SMIM20: variants seen among roughly 807,000 people sequenced by gnomAD.
The protein encoded by SMIM20 is mitochondrial translation regulation assembly intermediate of cytochrome c oxidase protein of 7 kDa.
In SMIM20, 3 loss-of-function variants were observed where a neutral mutation model predicts 8.7. The ratio of observed to expected loss-of-function variants is 0.34; its 90% CI spans 0.16 to 0.89. The LOEUF (loss-of-function observed/expected upper bound fraction) is 0.89. SMIM20 is among the 40% of genes least tolerant of loss of function. SMIM20 has a pLI of 0.49. For missense variants in SMIM20, 85 were observed against 84.8 expected (o/e 1.00, Z -0.01); for synonymous variants, 44 against 33.6 (o/e 1.31, Z -1.07).
chr4:25,915,854 T>TG (rs1267183562), intron 1 of SMIM20, among the ~76,000 whole-genome samples: 515 of 18,550 alleles, frequency 0.028, 33 homozygotes, highest in South Asian at 0.047. Context: ...CAACTTGGGA[T>TG]GGGGCGGGGG....
At chr4:25,915,644 G>T (rs1382173295) in intron 1 of SMIM20, among the ~76,000 whole-genome samples, 1 of 152,156 alleles carries the variant, frequency 6.6e-6, no homozygotes. Context: ...GTGAAGCCCT[G>T]CGGGATCTGT....
At chr4:25,923,282 G>A (rs1719230520) in intron 1 of SMIM20, among the ~76,000 whole-genome samples, 1 of 152,198 alleles carries the variant, frequency 6.6e-6, no homozygotes, top group Non-Finnish European at 1.5e-5. Flanking sequence ...TTGTTTCCTA[G>A]AACTAGACAG....
intron 1 of SMIM20, 97 bp downstream of exon 1, chr4:25,914,519 G>A: frequency 8.3e-7 from 1 of 1,202,634 alleles, no homozygotes; most frequent in Non-Finnish European, 1.1e-6. Context: ...AACTTGGCTC[G>A]AGGGTTAGGG....
rs1711566163 is a variant in SMIM20 at position 25,928,429 on chromosome 4, TTG to T, written c.166+68_166+69del. 3.1e-5 allele frequency: 47 copies of T among 1,494,328 alleles called. No individual in the cohort carries two copies. In the South Asian group the frequency reaches 4.7e-4, roughly 15 times the overall value. 92.6% of individuals were successfully genotyped at this position (1,494,328 alleles called of 1,614,324 possible). A position where few individuals can be genotyped will look rare whatever the true frequency, so the allele number is the denominator to read the frequency against. On this transcript the variant is annotated intron_variant, in intron 2 of 2. Coordinates refer to ENST00000506197, the MANE Select transcript of SMIM20 (RefSeq NM_001145432.3). ...ATTTGTACTACTGTGTTGTGCGGGTTTGTGTGTGTTTGCCTTGGCGTGGAGAG... is the reference window on the plus strand; with the variant it reads ...ATTTGTACTACTGTGTTGTGCGGGTTTGTGTGTTTGCCTTGGCGTGGAGAG...
chr4:25,919,225 A>G (rs1719154220), intron 1 of SMIM20, among the ~76,000 whole-genome samples: 1 of 152,176 alleles, frequency 6.6e-6, no homozygotes, highest in African/African-American at 2.4e-5. Context: ...TAAAACCAAC[A>G]TAAACTAGAT....
At chr4:25,924,595 C>A (rs1029921799) in intron 1 of SMIM20, among the ~76,000 whole-genome samples, 10 of 152,178 alleles carry the variant, frequency 6.6e-5, no homozygotes, top group Non-Finnish European at 1.5e-4. Context: ...CATTTGCTTT[C>A]TCCCCCTATA....
chr4:25,914,903 G>A (rs1330019384), intron 1 of SMIM20, among the ~76,000 whole-genome samples: 1 of 152,184 alleles, frequency 6.6e-6, no homozygotes, highest in East Asian at 1.9e-4. Context: ...CAGCAAGTAA[G>A]TGACAAGGCA....
chr4:25,929,302 T>A lies in SMIM20; in HGVS notation c.*111T>A. ...GAATGACGGCTGGAGAAGAAAACTCTGTAATACCATAAATAAGAGTGCTTG... is the reference window on the plus strand; with the variant it reads ...GAATGACGGCTGGAGAAGAAAACTCAGTAATACCATAAATAAGAGTGCTTG... On this transcript the variant is annotated 3_prime_UTR_variant, in exon 3 of 3. Transcript: ENST00000506197. 1 of 1,079,190 alleles carries A rather than the reference T, an allele frequency of 9.3e-7. No individual in the cohort carries two copies. The highest frequency in any genetic ancestry group is 1.6e-5 in the African/African-American group (1 of 62,416). 66.9% of individuals were successfully genotyped at this position (1,079,190 alleles called of 1,614,324 possible). A position where few individuals can be genotyped will look rare whatever the true frequency, so the allele number is the denominator to read the frequency against.
chr4:25,919,617 G>A (rs932276851), intron 1 of SMIM20, among the ~76,000 whole-genome samples: 1 of 152,070 alleles, frequency 6.6e-6, no homozygotes. Context: ...CAAAGTGTTA[G>A]GATTACAGGC....
intron 1 of SMIM20, among the ~76,000 whole-genome samples, chr4:25,923,139 CAGA>C (rs1228136806): frequency 6.6e-6 from 1 of 152,168 alleles, no homozygotes; most frequent in Non-Finnish European, 1.5e-5. Context: ...GACCCAAAAC[CAGA>C]AGTCTGGGTA....
chr4:25,926,330 A>C (rs928879881), intron 1 of SMIM20, among the ~76,000 whole-genome samples: 15 of 152,218 alleles, frequency 9.9e-5, no homozygotes, highest in Non-Finnish European at 2.1e-4. Flanking sequence ...TTGGCCTTAG[A>C]GTATTTATAA....
intron 1 of SMIM20, 113 bp from the exon 2 acceptor site, chr4:25,928,200 G>A: frequency 9.9e-7 from 1 of 1,013,096 alleles, no homozygotes; most frequent in Non-Finnish European, 1.4e-6. Flanking sequence ...GAATTTAACA[G>A]CACTCATAAA....
At position 25,919,349 on chromosome 4, in the gene SMIM20, T is replaced by C. The variant is rs1185645149; in HGVS notation, c.109+4927T>C. Among the ~76,000 whole-genome samples the C allele has an allele frequency of 2.0e-5, 3 of 152,166 alleles. 1 individual carries two copies. The highest frequency in any genetic ancestry group is 1.3e-4 in the Admixed American group (2 of 15,278). On this transcript the variant is annotated intron_variant, in intron 1 of 2. Transcript: ENST00000506197. ...TCTCACCTCATTTTGTGTCTTCTTT[T>C]TTTTTTCTTGAGACAGTCTTGCTCT...
chr4:25,923,285 C>T (rs1719230624), intron 1 of SMIM20, among the ~76,000 whole-genome samples: 1 of 152,202 alleles, frequency 6.6e-6, no homozygotes, highest in African/African-American at 2.4e-5. Context: ...TTTCCTAGAA[C>T]TAGACAGTGA....
chr4:25,926,351 G>T (rs938962050), intron 1 of SMIM20, among the ~76,000 whole-genome samples: 3 of 152,152 alleles, frequency 2.0e-5, no homozygotes, highest in Non-Finnish European at 4.4e-5. Flanking sequence ...AACATTAATG[G>T]ATTAAAGAAC....
At position 25,922,138 on chromosome 4, in the gene SMIM20, A is replaced by G. The variant is rs564653147; in HGVS notation, c.110-6175A>G. On this transcript the variant is annotated intron_variant, in intron 1 of 2. Transcript: ENST00000506197. ...TTAAGTTGACTATTTATAGATGTTTAGCTGTATGGAGAGGAGAATGGCAAA... is the reference window on the plus strand; with the variant it reads ...TTAAGTTGACTATTTATAGATGTTTGGCTGTATGGAGAGGAGAATGGCAAA... 5.3e-5 allele frequency among the ~76,000 whole-genome samples: 8 copies of G among 152,298 alleles called. No homozygotes were observed. The South Asian group carries it at 1.4e-3, about 28-fold the overall frequency.
chr4:25,929,020 C>T, intron 2 of SMIM20, 134 bp from the exon 3 acceptor site: 7 of 1,050,996 alleles, frequency 6.7e-6, no homozygotes, highest in East Asian at 2.8e-5. Context: ...GTTCCGGCAG[C>T]CTGCTCACAC....
chr4:25,926,731 G>A (rs1711520454), intron 1 of SMIM20, among the ~76,000 whole-genome samples: 1 of 152,218 alleles, frequency 6.6e-6, no homozygotes, highest in Non-Finnish European at 1.5e-5. Flanking sequence ...GGTACACCAG[G>A]ATGTCTGATT....
intron 1 of SMIM20, among the ~76,000 whole-genome samples, chr4:25,924,756 C>G (rs1329572609): frequency 6.6e-6 from 1 of 152,116 alleles, no homozygotes; most frequent in African/African-American, 2.4e-5. Context: ...TTCCGAAGAA[C>G]AAGGGCATTC....
Sources: gnomAD v4.1 joint callset for allele counts (sites outside exome capture counted in the v4.1 genomes callset) on GRCh38, gnomAD v4.1.1 for gene constraint, MANE v1.5 for transcripts, NCBI Gene and HGNC (gene_info 2026-07-23, HGNC 2026-07-21) for gene names.